Variants in NT5C2 observed in about 807,000 individuals in gnomAD.
NT5C2 encodes cytosolic purine 5'-nucleotidase.
A neutral mutation model predicts 76.1 loss-of-function variants in NT5C2; 58 were observed. That is an observed-to-expected ratio of 0.76 (90% CI 0.62 to 0.95). The LOEUF (loss-of-function observed/expected upper bound fraction) is 0.95. NT5C2 is among the 40% of genes least tolerant of loss of function. The probability of loss-of-function intolerance (pLI) is 0.00; values close to 1 mark genes in which losing one functional copy is unlikely to be tolerated. For synonymous variants in NT5C2, 229 were observed against 237.4 expected (o/e 0.96, Z 0.32); for missense variants, 478 against 690.3 (o/e 0.69, Z 3.45).
intron 4 of NT5C2, among the ~76,000 whole-genome samples, chr10:103,111,151 C>A (rs1201811282): frequency 1.3e-5 from 2 of 152,140 alleles, no homozygotes; most frequent in East Asian, 3.8e-4. Context: ...GCTTCAAGCT[C>A]AACTCTCACA....
At chr10:103,109,197 C>T (rs2072261111) in intron 4 of NT5C2, among the ~76,000 whole-genome samples, 1 of 152,016 alleles carries the variant, frequency 6.6e-6, no homozygotes. Context: ...CCCCTTAAAT[C>T]CTGCCTCATC....
At chr10:103,102,368 A>C (rs2069961375) in intron 6 of NT5C2, among the ~76,000 whole-genome samples, 1 of 152,116 alleles carries the variant, frequency 6.6e-6, no homozygotes, top group African/African-American at 2.4e-5. Context: ...GTAGAAATGA[A>C]GCACTCGGCC....
chr10:103,091,608 G>A lies in NT5C2; in HGVS notation c.1167C>T (p.Phe389=), dbSNP rs762471005. Residue 389 remains phenylalanine, a synonymous_variant, in exon 16 of 19, where the codon TTC becomes TTT. Coordinates refer to ENST00000404739, the MANE Select transcript of NT5C2 (RefSeq NM_001351169.2). ...AAATATCCAAGCTCTGAAGTTCTTCGAAAAGTGCTAGTTAAGGTTTGGAAG... is the reference window on the plus strand; with the variant it reads ...AAATATCCAAGCTCTGAAGTTCTTCAAAAAGTGCTAGTTAAGGTTTGGAAG... ...LHVWTDKSSL[F]EELQSLDIFL... is the part of the protein sequence containing the mutation. 21 of 1,612,820 alleles carry A rather than the reference G, an allele frequency of 1.3e-5. No homozygotes were observed. Among genetic ancestry groups the A allele is most frequent in the Middle Eastern group, 3.3e-4 (2 of 6,078 alleles).
At chr10:103,178,692 T>C (rs919858147) in intron 2 of NT5C2, among the ~76,000 whole-genome samples, 1 of 151,734 alleles carries the variant, frequency 6.6e-6, no homozygotes, top group Non-Finnish European at 1.5e-5. Flanking sequence ...TAGCTGGGCA[T>C]GGTGGCACGC....
rs182281114 is a variant in NT5C2, at chr10:103,089,948, G to A, written c.1450-40C>T. 7,602 of 1,526,064 alleles carry A rather than the reference G, an allele frequency of 5.0e-3. 30 individuals are homozygous for A. The highest frequency in any genetic ancestry group is 0.024 in the Middle Eastern group (136 of 5,708). The allele number at this position is 1,526,064 out of a possible 1,614,324, so 94.5% of individuals were successfully genotyped here. A position where few individuals can be genotyped will look rare whatever the true frequency, so the allele number is the denominator to read the frequency against. ...GCTAGAGGCTCAGAAAGCAGGCAGA[G>A]CAAAGTAGCTACTCCCCAAATCCTA... On this transcript the variant is annotated intron_variant, in intron 18 of 18. Coordinates refer to ENST00000404739, the MANE Select transcript of NT5C2 (RefSeq NM_001351169.2).
intron 4 of NT5C2, chr10:103,125,294 G>C: frequency 2.0e-6 from 1 of 504,538 alleles, no homozygotes. Context: ...CATTGTCACA[G>C]TTAAAAAAAA....
rs1351089099 is a variant in NT5C2 at position 103,089,218 on chromosome 10, A to G, written c.*454T>C. On this transcript the variant is annotated 3_prime_UTR_variant, in exon 19 of 19. Transcript: ENST00000404739. ...CTACATTTGATCATGGAAATAATACATTTCTCCACTGATATACAATACCAT... is the reference window on the plus strand; with the variant it reads ...CTACATTTGATCATGGAAATAATACGTTTCTCCACTGATATACAATACCAT... The G allele has an allele frequency of 1.4e-5, 3 of 221,406 alleles. No homozygotes were observed. Among genetic ancestry groups the G allele is most frequent in the African/African-American group, 6.7e-5 (3 of 44,704 alleles). The allele number at this position is 221,406 out of a possible 1,614,324, so 13.7% of individuals were successfully genotyped here. A position where few individuals can be genotyped will look rare whatever the true frequency, so the allele number is the denominator to read the frequency against.
intron 13 of NT5C2, 44 bp from the exon 14 acceptor site, chr10:103,094,082 A>C (rs764139284): frequency 6.6e-7 from 1 of 1,514,768 alleles, no homozygotes; most frequent in South Asian, 1.1e-5. Flanking sequence ...TCATCCTATC[A>C]CAATCCTCCC....
chr10:103,171,290 G>T (rs2087918726), intron 3 of NT5C2, among the ~76,000 whole-genome samples: 1 of 152,118 alleles, frequency 6.6e-6, no homozygotes, highest in African/African-American at 2.4e-5. Flanking sequence ...CAAAATATTA[G>T]TATCTATTGA....
chr10:103,136,162 T>C (rs975033174), intron 4 of NT5C2, among the ~76,000 whole-genome samples: 4 of 152,188 alleles, frequency 2.6e-5, no homozygotes, highest in Admixed American at 6.5e-5. Flanking sequence ...AACAGACTAA[T>C]ACACCATATG....
chr10:103,165,505 A>G (rs1419892313), intron 3 of NT5C2, among the ~76,000 whole-genome samples: 5 of 151,398 alleles, frequency 3.3e-5, no homozygotes, highest in Admixed American at 2.0e-4. Context: ...AAAAAAAAAG[A>G]AAAACAGAAA....
intron 1 of NT5C2, among the ~76,000 whole-genome samples, chr10:103,192,905 G>T (rs2092750283): frequency 6.6e-6 from 1 of 152,192 alleles, no homozygotes; most frequent in Non-Finnish European, 1.5e-5. Flanking sequence ...GGCCGCGCTG[G>T]GAGGCTGAGG....
At position 103,136,270 on chromosome 10, in the gene NT5C2, T is replaced by C. The variant is rs149426078; in HGVS notation, c.175+3136A>G. 5.9e-3 allele frequency among the ~76,000 whole-genome samples: 899 copies of C among 152,338 alleles called. 9 individuals carry two copies. The highest frequency in any genetic ancestry group is 0.02 in the African/African-American group (842 of 41,574). ...ATACATGCATGCTTAGGTTTGAATCTTGGTTCAGGTATATCATAACTAAAT... is the reference window on the plus strand; with the variant it reads ...ATACATGCATGCTTAGGTTTGAATCCTGGTTCAGGTATATCATAACTAAAT... On this transcript the variant is annotated intron_variant, in intron 4 of 18. Transcript: ENST00000404739.
At position 103,146,563 on chromosome 10, in the gene NT5C2, T is replaced by C. The variant is rs942299884; in HGVS notation, c.102-7084A>G. On this transcript the variant is annotated intron_variant, in intron 3 of 18. Transcript: ENST00000404739. Reference sequence around the variant, plus strand: ...TGTCTGTATATATGCATATTTTTACTTAATAGAAAATGCTATAATGTGGAT... The same window carrying C: ...TGTCTGTATATATGCATATTTTTACCTAATAGAAAATGCTATAATGTGGAT... The C allele has an allele frequency of 1.4e-5, 6 of 428,564 alleles. No homozygotes were observed. The East Asian group carries it at 7.9e-4, about 57-fold the overall frequency. The allele number at this position is 428,564 out of a possible 1,614,324, so 26.5% of individuals were successfully genotyped here.
intron 6 of NT5C2, among the ~76,000 whole-genome samples, chr10:103,104,026 G>T (rs1000321932): frequency 2.8e-4 from 42 of 152,010 alleles, no homozygotes; most frequent in African/African-American, 8.9e-4. Flanking sequence ...GCTAATTTTT[G>T]ATATTTGTAG....
intron 16 of NT5C2, 147 bp downstream of exon 16, chr10:103,091,417 C>A: frequency 1.6e-6 from 1 of 630,748 alleles, no homozygotes; most frequent in Non-Finnish European, 2.9e-6. Flanking sequence ...GCAATCTCAG[C>A]TCACTGCAAC....
At chr10:103,129,621 G>A (rs2077600819) in intron 4 of NT5C2, among the ~76,000 whole-genome samples, 1 of 94,690 alleles carries the variant, frequency 1.1e-5, no homozygotes, top group Admixed American at 9.1e-5. Flanking sequence ...CGGGAGGGAG[G>A]TGGGGGGGGG....
chr10:103,125,238 C>T (rs1591131510), intron 4 of NT5C2: 2 of 764,974 alleles, frequency 2.6e-6, no homozygotes, highest in East Asian at 6.4e-5. Flanking sequence ...ATTTTCCCAG[C>T]TCTGTGATCA....
At chr10:103,104,970 T>A (rs889572260) in intron 6 of NT5C2, among the ~76,000 whole-genome samples, 1 of 152,178 alleles carries the variant, frequency 6.6e-6, no homozygotes, top group Non-Finnish European at 1.5e-5. Flanking sequence ...TAAGGTGGCA[T>A]AACAGTAGAG....
Sources: gnomAD v4.1 joint callset for allele counts (sites outside exome capture counted in the v4.1 genomes callset) on GRCh38, gnomAD v4.1.1 for gene constraint, MANE v1.5 for transcripts, NCBI Gene and HGNC (gene_info 2026-07-23, HGNC 2026-07-21) for gene names.